Variants in PDE1C observed in about 807,000 individuals in gnomAD.
PDE1C encodes the protein dual specificity calcium/calmodulin-dependent 3',5'-cyclic nucleotide phosphodiesterase 1C.
A neutral mutation model predicts 93.1 loss-of-function variants in PDE1C; 62 were observed. That is an observed-to-expected ratio of 0.67 (90% CI 0.54 to 0.82). The LOEUF is 0.82. Among genes scored for constraint, PDE1C ranks in the 40% least tolerant of loss-of-function variants. The pLI is 0.00. For missense variants in PDE1C, 742 were observed against 884.6 expected (o/e 0.84, Z 2.04); for synonymous variants, 325 against 310.1 (o/e 1.05, Z -0.50).
downstream of PDE1C, among the ~76,000 whole-genome samples, chr7:31,748,727 C>T (rs1298340372): frequency 2.0e-5 from 3 of 152,174 alleles, no homozygotes; most frequent in East Asian, 3.9e-4. Flanking sequence ...GCCTTGCTGA[C>T]GGCACTTGAG....
In PDE1C at chr7:31,877,821, T is replaced by C. The variant is rs1374386804; in HGVS notation, c.492+149A>G. The C allele has an allele frequency of 6.7e-6, 4 of 595,264 alleles. No homozygotes were observed. The East Asian group carries it at 1.1e-4, about 17-fold the overall frequency. 36.9% of individuals were successfully genotyped at this position (595,264 alleles called of 1,614,324 possible). ...AAGGGTGAAAAGACAGTGATACTGTTAGAACAAATAATAAAAAGATAATGA... is the reference window on the plus strand; with the variant it reads ...AAGGGTGAAAAGACAGTGATACTGTCAGAACAAATAATAAAAAGATAATGA... On this transcript the variant is annotated intron_variant, in intron 5 of 17. Coordinates refer to ENST00000396191, the MANE Select transcript of PDE1C (RefSeq NM_001191057.4).
intron 1 of PDE1C, among the ~76,000 whole-genome samples, chr7:32,308,377 G>A (rs967294232): frequency 6.6e-6 from 1 of 152,268 alleles, no homozygotes; most frequent in African/African-American, 2.4e-5. Context: ...CAGCTTTGAA[G>A]AGAGTAGTGG....
At chr7:31,976,356 C>G (rs867034728) in intron 2 of PDE1C, among the ~76,000 whole-genome samples, 19 of 152,220 alleles carry the variant, frequency 1.2e-4, no homozygotes, top group African/African-American at 4.6e-4. Flanking sequence ...AGGTGAAATG[C>G]ATGTTACAAA....
intron 1 of PDE1C, among the ~76,000 whole-genome samples, chr7:32,280,705 A>T (rs938327173): frequency 2.6e-5 from 4 of 152,208 alleles, no homozygotes; most frequent in Non-Finnish European, 5.9e-5. Context: ...TCCATCAAGA[A>T]TAAAAATGAG....
At chr7:32,114,613 CA>C (rs1798878620) in intron 3 of PDE1C, among the ~76,000 whole-genome samples, 1 of 152,174 alleles carries the variant, frequency 6.6e-6, no homozygotes, top group African/African-American at 2.4e-5. Context: ...CTAAAATTGA[CA>C]GATGGGATCT....
At chr7:32,154,965 G>GA (rs1207722224) in intron 3 of PDE1C, among the ~76,000 whole-genome samples, 2 of 152,248 alleles carry the variant, frequency 1.3e-5, no homozygotes, top group Non-Finnish European at 2.9e-5. Context: ...GGCAGGCAGG[G>GA]AGTAAGGCCA....
intron 1 of PDE1C, among the ~76,000 whole-genome samples, chr7:32,215,621 A>T (rs191298294): frequency 1.3e-5 from 2 of 152,306 alleles, no homozygotes; most frequent in East Asian, 1.9e-4. Context: ...CAGACCACCC[A>T]GGGGGCTCTG....
intron 2 of PDE1C, among the ~76,000 whole-genome samples, chr7:32,172,745 C>T (rs943721021): frequency 6.6e-6 from 1 of 151,298 alleles, no homozygotes; most frequent in South Asian, 2.1e-4. Context: ...TCGCTTGAAC[C>T]CAGGATGCAG....
At chr7:31,657,506 C>A in the PDE1C span, among the ~76,000 whole-genome samples, 1 of 152,172 alleles carries the variant, frequency 6.6e-6, no homozygotes, top group East Asian at 1.9e-4. Flanking sequence ...CGCTTTCATA[C>A]AAGGAGATGA....
intron 3 of PDE1C, among the ~76,000 whole-genome samples, chr7:32,160,882 A>G (rs1562535085): frequency 6.6e-6 from 1 of 152,108 alleles, no homozygotes; most frequent in Admixed American, 6.6e-5. Flanking sequence ...ATATGATGGG[A>G]GAAAGCCCCT....
rs1031261439 is a variant in PDE1C, at chr7:32,299,304, C to T, written c.-569G>A. 7.1e-6 allele frequency: 7 copies of T among 985,666 alleles called. No individual in the cohort carries two copies. In the South Asian group the frequency reaches 2.8e-4, roughly 40 times the overall value. The allele number at this position is 985,666 out of a possible 1,614,324, so 61.1% of individuals were successfully genotyped here. ...AAACCCCTCAGCCATGAGATGTTGCCGAAGTTTACTCCAAACAAGGAAGTC... is the reference window on the plus strand; with the variant it reads ...AAACCCCTCAGCCATGAGATGTTGCTGAAGTTTACTCCAAACAAGGAAGTC... On this transcript the variant is annotated 5_prime_UTR_variant, in exon 1 of 19. Transcript: ENST00000396193.
chr7:32,385,291 G>A (rs1784601088), intron 1 of PDE1C, among the ~76,000 whole-genome samples: 1 of 152,228 alleles, frequency 6.6e-6, no homozygotes, highest in South Asian at 2.1e-4. Flanking sequence ...AGTTTCAGAA[G>A]AGAGTTCTAT....
chr7:31,651,014 C>G, the PDE1C span: 1 of 979,332 alleles, frequency 1.0e-6, no homozygotes, highest in South Asian at 1.8e-5. Flanking sequence ...ATTCCCTCCC[C>G]CTTATATTAG....
At chr7:31,842,964 A>C (rs1451381751) in intron 9 of PDE1C, among the ~76,000 whole-genome samples, 1 of 151,882 alleles carries the variant, frequency 6.6e-6, no homozygotes, top group East Asian at 1.9e-4. Flanking sequence ...AATGTTTCCT[A>C]CTTTCCTCTG....
At chr7:32,287,958 T>G (rs931201107) in intron 1 of PDE1C, among the ~76,000 whole-genome samples, 3 of 152,136 alleles carry the variant, frequency 2.0e-5, no homozygotes, top group Admixed American at 6.5e-5. Context: ...ATCCCAACAC[T>G]TTAGGAGGCC....
At position 31,752,666 on chromosome 7, in the gene PDE1C, T is replaced by C. The variant is rs1003292644; in HGVS notation, c.*718A>G. On this transcript the variant is annotated 3_prime_UTR_variant, in exon 18 of 18. Transcript: ENST00000396191. ...AAGATTAGAGGAAAATGAAGCCAAA[T>C]GCATCTCTTGCAAACCTTCACATCC... is the stretch of plus-strand genomic sequence containing the variant. 14 of 152,154 alleles carry C rather than the reference T, an allele frequency of 9.2e-5. No individual in the cohort carries two copies. The highest frequency in any genetic ancestry group is 1.9e-4 in the Non-Finnish European group (13 of 68,022). 9.4% of individuals were successfully genotyped at this position (152,154 alleles called of 1,614,324 possible).
intron 2 of PDE1C, among the ~76,000 whole-genome samples, chr7:32,015,077 C>A (rs1167753629): frequency 6.6e-6 from 1 of 152,066 alleles, no homozygotes; most frequent in Non-Finnish European, 1.5e-5. Flanking sequence ...CTCCTTCCTG[C>A]TGCCCTGCCT....
intron 3 of PDE1C, among the ~76,000 whole-genome samples, chr7:32,113,834 C>G (rs1400738830): frequency 2.0e-5 from 3 of 151,894 alleles, no homozygotes; most frequent in African/African-American, 7.3e-5. Context: ...TATACACCAA[C>G]AATAGACAAG....
the PDE1C span, among the ~76,000 whole-genome samples, chr7:31,616,780 G>A: frequency 6.8e-6 from 1 of 147,826 alleles, no homozygotes; most frequent in African/African-American, 2.6e-5. Context: ...AACCAAAAAG[G>A]TTTCTAAATT....
Sources: allele counts gnomAD v4.1 joint callset (sites outside exome capture counted in the v4.1 genomes callset), GRCh38; gene constraint gnomAD v4.1.1; transcripts MANE v1.5; gene names NCBI Gene and HGNC (gene_info 2026-07-23, HGNC 2026-07-21).